PDE1C: variants seen among roughly 807,000 people sequenced by gnomAD.
PDE1C encodes the protein dual specificity calcium/calmodulin-dependent 3',5'-cyclic nucleotide phosphodiesterase 1C.
PDE1C carries 62 observed loss-of-function variants against 93.1 expected under a neutral mutation model. That is an observed-to-expected ratio of 0.67 (90% CI 0.54 to 0.82). PDE1C has a LOEUF of 0.82. Among genes scored for constraint, PDE1C ranks in the 40% least tolerant of loss-of-function variants. The probability of loss-of-function intolerance (pLI) is 0.00; values close to 1 mark genes in which losing one functional copy is unlikely to be tolerated. For missense variants in PDE1C, 742 were observed against 884.6 expected, an observed-to-expected ratio of 0.84 and a Z score of 2.04; for synonymous variants, 325 against 310.1, an observed-to-expected ratio of 1.05 and a Z score of -0.50.
At chr7:32,043,306 T>C (rs1014153715) in intron 2 of PDE1C, among the ~76,000 whole-genome samples, 1 of 152,166 alleles carries the variant, frequency 6.6e-6, no homozygotes, top group African/African-American at 2.4e-5. Flanking sequence ...CCCTCACTAA[T>C]GACTGATTCA....
At chr7:31,716,981 C>A in the PDE1C span, among the ~76,000 whole-genome samples, 1 of 152,136 alleles carries the variant, frequency 6.6e-6, no homozygotes, top group Non-Finnish European at 1.5e-5. Context: ...ACCAAAATTT[C>A]ACATAAAAGA....
intron 16 of PDE1C, among the ~76,000 whole-genome samples, chr7:31,806,894 T>C (rs1786905958): frequency 6.6e-6 from 1 of 151,976 alleles, no homozygotes; most frequent in South Asian, 2.1e-4. Context: ...ATCCAGTTTT[T>C]TCTACATAGT....
At chr7:31,806,963 G>A (rs1451886033) in intron 16 of PDE1C, among the ~76,000 whole-genome samples, 3 of 151,788 alleles carry the variant, frequency 2.0e-5, no homozygotes, top group Admixed American at 6.6e-5. Context: ...TTTTTCTGAA[G>A]TAGAGAGCTT....
chr7:32,019,711 A>C (rs1056182503), intron 2 of PDE1C, among the ~76,000 whole-genome samples: 1 of 151,928 alleles, frequency 6.6e-6, no homozygotes, highest in Non-Finnish European at 1.5e-5. Flanking sequence ...TGTTGAACGG[A>C]CACAACTTTG....
rs1260796366 is a variant in PDE1C, at chr7:31,869,047, T to A, written c.610-3965A>T. On this transcript the variant is annotated intron_variant, in intron 6 of 17. Coordinates refer to ENST00000396191, the MANE Select transcript of PDE1C (RefSeq NM_001191057.4). ...GACCTACAGTGAATGCTTAAGGGAG[T>A]CTTACGCCTGGAAACAGAGAAACAA... 2.0e-5 allele frequency among the ~76,000 whole-genome samples: 3 copies of A among 151,606 alleles called. No individual in the cohort carries two copies. The East Asian group carries it at 5.8e-4, about 29-fold the overall frequency.
intron 1 of PDE1C, among the ~76,000 whole-genome samples, chr7:32,371,750 ATAT>A (rs1228631260): frequency 6.6e-6 from 1 of 152,250 alleles, no homozygotes; most frequent in Non-Finnish European, 1.5e-5. Context: ...AAAAGATTTA[ATAT>A]TATTAAGATA....
chr7:32,329,796 A>C (rs989910545), intron 1 of PDE1C, among the ~76,000 whole-genome samples: 1 of 152,196 alleles, frequency 6.6e-6, no homozygotes, highest in Admixed American at 6.5e-5. Context: ...ACTAGTGTAT[A>C]CAGAAGGGAA....
the PDE1C span, among the ~76,000 whole-genome samples, chr7:31,719,000 C>T: frequency 6.6e-6 from 1 of 152,166 alleles, no homozygotes; most frequent in Non-Finnish European, 1.5e-5. Context: ...AGCAGTGATG[C>T]AGGCAAAGGC....
chr7:31,679,542 C>T, the PDE1C span, among the ~76,000 whole-genome samples: 1 of 152,166 alleles, frequency 6.6e-6, no homozygotes, highest in African/African-American at 2.4e-5. Context: ...AATGAACTTA[C>T]TTATTAATAT....
At chr7:31,823,568 C>A (rs1202130324) in intron 13 of PDE1C, among the ~76,000 whole-genome samples, 2 of 152,064 alleles carry the variant, frequency 1.3e-5, no homozygotes, top group Non-Finnish European at 2.9e-5. Context: ...CTGAAACTGA[C>A]TAATTTGAAC....
chr7:31,692,722 A>G, the PDE1C span, among the ~76,000 whole-genome samples: 1 of 152,214 alleles, frequency 6.6e-6, no homozygotes, highest in Non-Finnish European at 1.5e-5. Flanking sequence ...TAGCTGAAGC[A>G]CCAGTAAGAA....
intron 1 of PDE1C, among the ~76,000 whole-genome samples, chr7:32,337,198 T>C (rs1652390045): frequency 1.3e-5 from 2 of 152,158 alleles, no homozygotes; most frequent in Admixed American, 1.3e-4. Flanking sequence ...GAGTATTTAT[T>C]GAGCCCTTAC....
At chr7:32,123,349 T>C (rs1799401230) in intron 3 of PDE1C, among the ~76,000 whole-genome samples, 1 of 152,102 alleles carries the variant, frequency 6.6e-6, no homozygotes, top group Admixed American at 6.6e-5. Flanking sequence ...GACTTATTTC[T>C]AACTCATTTT....
chr7:32,213,134 C>T (rs1220914869), intron 1 of PDE1C, among the ~76,000 whole-genome samples: 2 of 152,214 alleles, frequency 1.3e-5, no homozygotes, highest in Non-Finnish European at 2.9e-5. Flanking sequence ...CTCAGACTGC[C>T]TTCCAGATGA....
At chr7:32,167,094 T>G (rs1302868690) in intron 3 of PDE1C, among the ~76,000 whole-genome samples, 3 of 152,138 alleles carry the variant, frequency 2.0e-5, no homozygotes, top group Non-Finnish European at 4.4e-5. Context: ...ATAAAAATAT[T>G]TGAAATTTTT....
upstream of PDE1C, chr7:32,070,882 A>C (rs980930761): frequency 1.2e-5 from 12 of 985,550 alleles, no homozygotes; most frequent in Non-Finnish European, 1.4e-5. Flanking sequence ...GTGGGGCCTG[A>C]CCCGGACGCC....
chr7:31,837,402 A>T, intron 10 of PDE1C, 102 bp from the exon 11 acceptor site: 1 of 1,102,694 alleles, frequency 9.1e-7, no homozygotes, highest in South Asian at 2.1e-5. Context: ...TTGTTCTTCC[A>T]TCTCAAACCC....
intron 2 of PDE1C, among the ~76,000 whole-genome samples, chr7:31,999,469 C>T (rs922927168): frequency 1.3e-4 from 20 of 152,166 alleles, no homozygotes; most frequent in Non-Finnish European, 2.6e-4. Context: ...AAACCATGCT[C>T]AGTAGAGCCC....
chr7:31,942,932 A>T (rs988839647), intron 2 of PDE1C, among the ~76,000 whole-genome samples: 1 of 152,206 alleles, frequency 6.6e-6, no homozygotes, highest in African/African-American at 2.4e-5. Context: ...ATAGTACCAC[A>T]TGGGCTACTA....
Sources: gnomAD v4.1 joint callset for allele counts (sites outside exome capture counted in the v4.1 genomes callset) on GRCh38, gnomAD v4.1.1 for gene constraint, MANE v1.5 for transcripts, NCBI Gene and HGNC (gene_info 2026-07-23, HGNC 2026-07-21) for gene names.